Variants in RBFOX3 observed in about 807,000 individuals in gnomAD.
The protein encoded by RBFOX3 is RNA binding fox-1 homolog 3, also known as RNA binding protein fox-1 homolog 3.
A neutral mutation model predicts 48.7 loss-of-function variants in RBFOX3; 17 were observed. That is an observed-to-expected ratio of 0.35 (90% confidence interval 0.24 to 0.52). RBFOX3 has a LOEUF of 0.52. Among genes scored for constraint, RBFOX3 ranks in the 20% least tolerant of loss-of-function variants. The pLI is 0.94. For missense variants in RBFOX3, 382 were observed against 497.5 expected, an observed-to-expected ratio of 0.77 and a Z score of 2.21; for synonymous variants, 212 against 209.5, an observed-to-expected ratio of 1.01 and a Z score of -0.10.
At chr17:79,191,508 C>T (rs1229947776) in intron 4 of RBFOX3, among the ~76,000 whole-genome samples, 1 of 152,136 alleles carries the variant, frequency 6.6e-6, no homozygotes, top group Non-Finnish European at 1.5e-5. Flanking sequence ...ATTAGGAGCC[C>T]AAGGCACACA....
chr17:79,610,346 G>A (rs1229550875), intron 1 of RBFOX3, among the ~76,000 whole-genome samples: 27 of 151,848 alleles, frequency 1.8e-4, no homozygotes, highest in Middle Eastern at 3.4e-3. Context: ...CGCGGGCTCC[G>A]GCTGCCTGCT....
chr17:79,438,079 C>T (rs565865386), intron 2 of RBFOX3, among the ~76,000 whole-genome samples: 14 of 140,158 alleles, frequency 1.0e-4, no homozygotes, highest in African/African-American at 2.9e-4. Flanking sequence ...CACATGTATA[C>T]ATGCACACAC....
At chr17:79,631,358 A>G in the RBFOX3 span, among the ~76,000 whole-genome samples, 1 of 152,246 alleles carries the variant, frequency 6.6e-6, no homozygotes, top group African/African-American at 2.4e-5. Flanking sequence ...GATTCCAGGA[A>G]GAAAGTCGTT....
At position 79,512,723 on chromosome 17, in the gene RBFOX3, G is replaced by A. The variant is rs1310406745; in HGVS notation, c.-319-30125C>T. On this transcript the variant is annotated intron_variant, in intron 1 of 14. Coordinates refer to ENST00000693108, the MANE Select transcript of RBFOX3 (RefSeq NM_001350451.2). ...CCCCATGGCCAAGGGACACCCACCC[G>A]GATACGTGTTACCATCGGGTACGGC... Among the ~76,000 whole-genome samples, 7 of 127,190 alleles carry A rather than the reference G, an allele frequency of 5.5e-5. 1 individual carries two copies. Among genetic ancestry groups the A allele is most frequent in the Middle Eastern group, 0.014 (2 of 138 alleles). The allele number at this position is 127,190 out of a possible 152,430, so 83.4% of individuals were successfully genotyped here. A position where few individuals can be genotyped will look rare whatever the true frequency, so the allele number is the denominator to read the frequency against.
rs1395938190 is a variant in RBFOX3 at position 79,198,614 on chromosome 17, T to C, written c.-34+37152A>G. Among the ~76,000 whole-genome samples, 2 of 135,426 alleles carry C rather than the reference T, an allele frequency of 1.5e-5. No homozygotes were observed. Among genetic ancestry groups the C allele is most frequent in the Non-Finnish European group, 3.1e-5 (2 of 64,282 alleles). 88.8% of individuals were successfully genotyped at this position (135,426 alleles called of 152,430 possible). On this transcript the variant is annotated intron_variant, in intron 4 of 14. Transcript: ENST00000693108. This position sits in a 1 kb window ranked among gnomAD's most constrained non-coding sequence, Gnocchi z 8.2. The stretch of plus-strand genomic sequence containing the variant: ...GAGATGTGAGAAGCCTCCCTGCTTT[T>C]GAACTTTCTCTCTCTCTTTTTTTTT...
At chr17:79,343,476 C>T (rs916075011) in intron 2 of RBFOX3, among the ~76,000 whole-genome samples, 5 of 152,094 alleles carry the variant, frequency 3.3e-5, no homozygotes, top group African/African-American at 9.7e-5. Context: ...GAGATTGCAC[C>T]ACTGCACTCC....
chr17:79,416,587 G>A (rs1316554773), intron 2 of RBFOX3, among the ~76,000 whole-genome samples: 3 of 152,218 alleles, frequency 2.0e-5, no homozygotes, highest in African/African-American at 7.2e-5. Context: ...ACGGGGGCCA[G>A]CAGGTGAACC....
chr17:79,113,325 T>C (rs1351506048), intron 5 of RBFOX3, among the ~76,000 whole-genome samples: 2 of 152,100 alleles, frequency 1.3e-5, no homozygotes, highest in Non-Finnish European at 2.9e-5. Context: ...GGGGAGCGCA[T>C]GGCCTCTGAG....
rs1233999067 is a variant in RBFOX3, at chr17:79,537,835, T to C, written c.-319-55237A>G. On this transcript the variant is annotated intron_variant, in intron 1 of 14. Coordinates refer to ENST00000693108, the MANE Select transcript of RBFOX3 (RefSeq NM_001350451.2). Reference sequence around the variant, plus strand: ...GCCAGCCCCAGGTGGTCACTGTCTCTCCTACACCAAGTCACAGAGTGGACC... The same window carrying C: ...GCCAGCCCCAGGTGGTCACTGTCTCCCCTACACCAAGTCACAGAGTGGACC... 2.0e-5 allele frequency among the ~76,000 whole-genome samples: 3 copies of C among 152,124 alleles called. No homozygotes were observed. The East Asian group carries it at 5.8e-4, about 29-fold the overall frequency.
chr17:79,627,604 A>C, the RBFOX3 span, among the ~76,000 whole-genome samples: 1 of 152,176 alleles, frequency 6.6e-6, no homozygotes, highest in African/African-American at 2.4e-5. Flanking sequence ...CTCTCCAAGG[A>C]TCCGAGACCC....
At chr17:79,360,041 TC>T (rs2086001027) in intron 2 of RBFOX3, among the ~76,000 whole-genome samples, 1 of 88,392 alleles carries the variant, frequency 1.1e-5, no homozygotes, top group African/African-American at 4.5e-5. Context: ...CATTGATGTT[TC>T]TTTATTTTTT....
At chr17:79,554,790 G>A (rs1282990561) in intron 1 of RBFOX3, among the ~76,000 whole-genome samples, 2 of 152,120 alleles carry the variant, frequency 1.3e-5, no homozygotes, top group Non-Finnish European at 2.9e-5. Flanking sequence ...TCTATTCCAG[G>A]CTCTGTGTTA....
At chr17:79,425,968 A>C (rs565362108) in intron 2 of RBFOX3, among the ~76,000 whole-genome samples, 245 of 152,230 alleles carry the variant, frequency 1.6e-3, no homozygotes, top group African/African-American at 5.4e-3. Context: ...GGGAAGACAG[A>C]CGCGGTGACC....
intron 4 of RBFOX3, among the ~76,000 whole-genome samples, chr17:79,133,588 C>T (rs2143522636): frequency 6.6e-6 from 1 of 152,322 alleles, no homozygotes; most frequent in South Asian, 2.1e-4. Flanking sequence ...CAGGCTACCC[C>T]TACCCAGCTG....
chr17:79,322,315 A>AG (rs1216695752), intron 2 of RBFOX3, among the ~76,000 whole-genome samples: 1 of 152,154 alleles, frequency 6.6e-6, no homozygotes, highest in African/African-American at 2.4e-5. Flanking sequence ...TGTTCAGCGG[A>AG]GGCTGGGGCT....
chr17:79,437,443 C>T (rs977117809), intron 2 of RBFOX3, among the ~76,000 whole-genome samples: 2 of 152,366 alleles, frequency 1.3e-5, no homozygotes, highest in African/African-American at 4.8e-5. Flanking sequence ...AGCTGAGCTG[C>T]CTGTCACCGT....
At chr17:79,247,049 C>A (rs2063275656) in intron 3 of RBFOX3, among the ~76,000 whole-genome samples, 1 of 152,196 alleles carries the variant, frequency 6.6e-6, no homozygotes, top group Non-Finnish European at 1.5e-5. Flanking sequence ...CTGAGCAAAT[C>A]CCCTAAGAAA....
rs995611853 is a variant in RBFOX3 at position 79,477,919 on chromosome 17, G to A, written c.-175+4535C>T. Among the ~76,000 whole-genome samples, 702 of 152,260 alleles carry A rather than the reference G, an allele frequency of 4.6e-3. 6 individuals carry two copies. The highest frequency in any genetic ancestry group is 0.014 in the African/African-American group (584 of 41,562). On this transcript the variant is annotated intron_variant, in intron 2 of 14. Transcript: ENST00000693108. The surrounding 1 kb of genome is among the most constrained non-coding windows in gnomAD (Gnocchi z 4.8). ...TGTAGGAAGGAGAGACCCCAGCAAC[G>A]TCCTTCAGCTGGGCACCGCCTGTTC...
chr17:79,416,653 G>A (rs2065417089), intron 2 of RBFOX3, among the ~76,000 whole-genome samples: 1 of 152,220 alleles, frequency 6.6e-6, no homozygotes, highest in African/African-American at 2.4e-5. Context: ...AGAAGTGGAG[G>A]CCGGCCCTCC....
Sources: gnomAD v4.1 joint callset for allele counts (sites outside exome capture counted in the v4.1 genomes callset) on GRCh38, gnomAD v4.1.1 for gene constraint, Gnocchi (gnomAD v3.1) non-coding constraint, MANE v1.5 for transcripts, NCBI Gene and HGNC (gene_info 2026-07-23, HGNC 2026-07-21) for gene names.